The following LDB2 variants were observed in gnomAD, a reference collection of about 807,000 sequenced individuals.
LDB2 encodes the protein LIM domain-binding protein 2.
A neutral mutation model predicts 44.3 loss-of-function variants in LDB2; 12 were observed. The observed-to-expected ratio is 0.27, with a 90% CI of 0.17 to 0.44. The LOEUF (loss-of-function observed/expected upper bound fraction) is 0.44, where lower values mean the gene tolerates loss of function less well. Among genes scored for constraint, LDB2 ranks in the 20% least tolerant of loss-of-function variants. The pLI is 1.00. For missense variants in LDB2, 344 were observed against 473.5 expected (o/e 0.73, Z 2.54); for synonymous variants, 164 against 174.8 (o/e 0.94, Z 0.49).
intron 1 of LDB2, among the ~76,000 whole-genome samples, chr4:16,789,767 TAAAAAATAC>T (rs1775292394): frequency 6.6e-6 from 1 of 152,020 alleles, no homozygotes; most frequent in Admixed American, 6.6e-5. Flanking sequence ...CCATCTGTAC[TAAAAAATAC>T]AAAAAATTAG....
chr4:16,597,820 G>T (rs954322482), intron 2 of LDB2, among the ~76,000 whole-genome samples: 8 of 152,156 alleles, frequency 5.3e-5, no homozygotes, highest in Non-Finnish European at 1.0e-4. Flanking sequence ...TGGGAAAAAG[G>T]TTTGAGAGTC....
chr4:16,651,801 C>CA (rs1738358015), intron 2 of LDB2, among the ~76,000 whole-genome samples: 1 of 152,132 alleles, frequency 6.6e-6, no homozygotes, highest in Non-Finnish European at 1.5e-5. Flanking sequence ...CTTGGTCACT[C>CA]AATCCTGATT....
intron 1 of LDB2, among the ~76,000 whole-genome samples, chr4:16,853,834 A>G (rs921338456): frequency 6.6e-6 from 1 of 152,198 alleles, no homozygotes; most frequent in Admixed American, 6.5e-5. Context: ...TACAGCATGG[A>G]TGAGCCTGGA....
At chr4:16,504,484 C>T (rs1170884572) in intron 7 of LDB2, among the ~76,000 whole-genome samples, 3 of 152,164 alleles carry the variant, frequency 2.0e-5, no homozygotes, top group Non-Finnish European at 4.4e-5. Flanking sequence ...AAAATGTGAG[C>T]TTGGTAAACC....
intron 1 of LDB2, among the ~76,000 whole-genome samples, chr4:16,859,734 A>T (rs1172504138): frequency 6.6e-6 from 1 of 152,224 alleles, no homozygotes; most frequent in East Asian, 1.9e-4. Context: ...GGGCCACACA[A>T]TCACAGTACC....
chr4:16,665,556 C>T (rs4698504), intron 2 of LDB2, among the ~76,000 whole-genome samples: 59,476 of 151,918 alleles, frequency 0.39, 11,774 homozygotes, highest in East Asian at 0.55. Context: ...TGAGCCACCG[C>T]GCCAAGCCCA....
chr4:16,643,685 A>G (rs1346132346), intron 2 of LDB2, among the ~76,000 whole-genome samples: 2 of 152,160 alleles, frequency 1.3e-5, no homozygotes, highest in Non-Finnish European at 2.9e-5. Context: ...TATTCCAAGT[A>G]TTATTTGCCA....
intron 5 of LDB2, among the ~76,000 whole-genome samples, chr4:16,558,858 T>A (rs1198424584): frequency 6.6e-6 from 1 of 152,140 alleles, no homozygotes; most frequent in Non-Finnish European, 1.5e-5. Flanking sequence ...TAACAGCAGA[T>A]CTCTCGGCAG....
intron 1 of LDB2, among the ~76,000 whole-genome samples, chr4:16,851,581 G>A (rs1007451216): frequency 3.3e-5 from 5 of 150,916 alleles, no homozygotes; most frequent in Admixed American, 1.3e-4. Context: ...GTGAAACAGC[G>A]AGACTCTTGT....
At chr4:16,627,781 G>A (rs1386572894) in intron 2 of LDB2, among the ~76,000 whole-genome samples, 1 of 152,184 alleles carries the variant, frequency 6.6e-6, no homozygotes, top group African/African-American at 2.4e-5. Flanking sequence ...GAACATGAGA[G>A]AAGCGATGGG....
intron 1 of LDB2, among the ~76,000 whole-genome samples, chr4:16,799,845 G>A (rs1247035142): frequency 2.6e-5 from 4 of 152,008 alleles, no homozygotes; most frequent in African/African-American, 4.8e-5. Flanking sequence ...TATGTCCGAT[G>A]CAATATTTTT....
intron 2 of LDB2, among the ~76,000 whole-genome samples, chr4:16,642,906 G>T (rs1037925301): frequency 1.8e-4 from 28 of 152,288 alleles, no homozygotes; most frequent in African/African-American, 6.0e-4. Flanking sequence ...AAAGAAAATT[G>T]TAGAGGGGTG....
At chr4:16,561,174 C>G (rs1485711607) in intron 5 of LDB2, among the ~76,000 whole-genome samples, 3 of 152,098 alleles carry the variant, frequency 2.0e-5, no homozygotes, top group Non-Finnish European at 4.4e-5. Flanking sequence ...GGGATGCCCT[C>G]TCTCACCACT....
chr4:16,897,091 C>G (rs747459631), intron 1 of LDB2, among the ~76,000 whole-genome samples: 11 of 152,202 alleles, frequency 7.2e-5, no homozygotes, highest in Non-Finnish European at 1.5e-4. Flanking sequence ...GTTAGCCAAT[C>G]AGAAAGCAGG....
intron 1 of LDB2, among the ~76,000 whole-genome samples, chr4:16,890,792 A>G (rs899065521): frequency 6.6e-6 from 1 of 152,152 alleles, no homozygotes; most frequent in Admixed American, 6.5e-5. Context: ...TATCTTCAAC[A>G]ACTGGCAGGC....
At chr4:16,513,612 A>G (rs1722604136) in intron 5 of LDB2, among the ~76,000 whole-genome samples, 1 of 152,208 alleles carries the variant, frequency 6.6e-6, no homozygotes, top group East Asian at 1.9e-4. Flanking sequence ...TCAGAATCAA[A>G]TGGGCTGACT....
intron 2 of LDB2, among the ~76,000 whole-genome samples, chr4:16,681,458 C>T (rs1747829422): frequency 1.3e-5 from 2 of 152,098 alleles, no homozygotes; most frequent in African/African-American, 4.8e-5. Flanking sequence ...AAACTGAGAA[C>T]ACAGTTGAGC....
chr4:16,583,569 T>G (rs11935913), intron 5 of LDB2, among the ~76,000 whole-genome samples: 2,211 of 152,300 alleles, frequency 0.015, 53 homozygotes, highest in African/African-American at 0.05. Flanking sequence ...CTTAAAAAAA[T>G]TAGATGATAA....
intron 5 of LDB2, among the ~76,000 whole-genome samples, chr4:16,541,837 G>C (rs540622216): frequency 1.3e-5 from 2 of 152,326 alleles, no homozygotes; most frequent in African/African-American, 4.8e-5. Context: ...GTGATGCATA[G>C]GAGTTGAGAA....
Sources: allele counts gnomAD v4.1 joint callset (sites outside exome capture counted in the v4.1 genomes callset), GRCh38; gene constraint gnomAD v4.1.1; transcripts MANE v1.5; gene names NCBI Gene and HGNC (gene_info 2026-07-23, HGNC 2026-07-21).